The following PRPS1 variants were observed in gnomAD, a reference collection of about 807,000 sequenced individuals.
PRPS1 encodes the protein phosphoribosyl pyrophosphate synthetase 1, also known as ribose-phosphate pyrophosphokinase 1.
PRPS1 carries 1 observed loss-of-function variant against 16.9 expected under a neutral mutation model. That is an observed-to-expected ratio of 0.06 (90% CI 0.02 to 0.28). PRPS1 has a LOEUF of 0.28. PRPS1 is among the 10% of genes least tolerant of loss of function. PRPS1 has a pLI of 1.00. For synonymous variants in PRPS1, 70 were observed against 90.2 expected (o/e 0.78, Z 1.27); for missense variants, 47 against 254.0 (o/e 0.19, Z 5.54).
chrX:107,646,376 A>G (rs926956145), intron 5 of PRPS1, among the ~76,000 whole-genome samples: 11 of 111,403 alleles, frequency 9.9e-5, no homozygotes, highest in Non-Finnish European at 1.9e-4. Context: ...TCAGCCTCCC[A>G]AAGTGCTGGG....
chrX:107,633,144 C>T (rs1264816501), intron 1 of PRPS1, among the ~76,000 whole-genome samples: 6 of 111,021 alleles, frequency 5.4e-5, no homozygotes, highest in African/African-American at 2.0e-4. Context: ...AAGTTTGAGC[C>T]GGGTGCGGTG....
intron 1 of PRPS1, among the ~76,000 whole-genome samples, chrX:107,637,037 C>T (rs1182822633): frequency 2.7e-5 from 3 of 112,537 alleles, no homozygotes; most frequent in Non-Finnish European, 5.6e-5. Flanking sequence ...TACACACATA[C>T]ACCTCTCCTT....
chrX:107,640,067 G>A (rs981650686), intron 2 of PRPS1, among the ~76,000 whole-genome samples: 4 of 112,992 alleles, frequency 3.5e-5, no homozygotes, highest in Admixed American at 9.3e-5. Context: ...GGCCGGGTGC[G>A]GTGGCTCACG....
chrX:107,630,075 T>C (rs183775374), intron 1 of PRPS1: 24 of 112,534 alleles, frequency 2.1e-4, no homozygotes, highest in Admixed American at 1.9e-3. Context: ...ATTATTGTGC[T>C]ACTGATTGTG....
intron 4 of PRPS1, among the ~76,000 whole-genome samples, chrX:107,644,078 G>T (rs773081007): frequency 8.9e-6 from 1 of 112,411 alleles, no homozygotes; most frequent in African/African-American, 3.2e-5. Flanking sequence ...CACTGGGGCA[G>T]CTCACTGTCA....
intron 4 of PRPS1, among the ~76,000 whole-genome samples, chrX:107,642,755 C>A (rs1270701853): frequency 1.8e-5 from 2 of 111,772 alleles, no homozygotes; most frequent in Non-Finnish European, 3.8e-5. Context: ...TGCTACAGAG[C>A]TAGCAATACA....
chrX:107,640,156 G>A (rs773687656), intron 2 of PRPS1, among the ~76,000 whole-genome samples: 4 of 112,303 alleles, frequency 3.6e-5, no homozygotes, highest in Non-Finnish European at 5.6e-5. Flanking sequence ...CCTGGGCAAC[G>A]CTGTGAAACT....
chrX:107,628,919 G>A (rs1254607394), intron 1 of PRPS1, among the ~76,000 whole-genome samples, 169 bp downstream of exon 1: 3 of 111,232 alleles, frequency 2.7e-5, no homozygotes, highest in Non-Finnish European at 5.7e-5. Context: ...CCTCTCGCGG[G>A]AGGGTCACGT....
intron 1 of PRPS1, among the ~76,000 whole-genome samples, chrX:107,631,009 A>G (rs1179214653): frequency 1.8e-5 from 2 of 111,596 alleles, no homozygotes; most frequent in African/African-American, 6.5e-5. Context: ...AAAATTTAGA[A>G]CACGGAAGGG....
At chrX:107,642,624 G>A (rs1925599970) in intron 4 of PRPS1, 134 bp downstream of exon 4, 1 of 793,584 alleles carries the variant, frequency 1.3e-6, no homozygotes, top group South Asian at 2.3e-5. Context: ...TAGCACATGG[G>A]TTGAATATAG....
intron 1 of PRPS1, among the ~76,000 whole-genome samples, chrX:107,631,084 G>A (rs769966211): frequency 1.4e-4 from 16 of 111,999 alleles, no homozygotes; most frequent in Admixed American, 2.8e-4. Flanking sequence ...TGACCTCCCA[G>A]ATATTTGTGT....
chrX:107,632,250 A>G (rs987806007), intron 1 of PRPS1, among the ~76,000 whole-genome samples: 1 of 112,230 alleles, frequency 8.9e-6, no homozygotes, highest in Non-Finnish European at 1.9e-5. Context: ...ATTCTCTTCA[A>G]TATTTGTAAA....
At chrX:107,645,952 C>T (rs1229383862) in intron 5 of PRPS1, among the ~76,000 whole-genome samples, 1 of 110,481 alleles carries the variant, frequency 9.1e-6, no homozygotes, top group African/African-American at 3.3e-5. Context: ...TGCCAGTCAC[C>T]GTTCTCTCAC....
At chrX:107,646,551 A>G (rs1356325391) in intron 5 of PRPS1, among the ~76,000 whole-genome samples, 1 of 112,298 alleles carries the variant, frequency 8.9e-6, no homozygotes, top group East Asian at 2.8e-4. Context: ...AACCCATTTC[A>G]TCCTTGTACA....
rs189754915 is a variant in PRPS1, at chrX:107,635,474, C to G, written c.123-3821C>G. On this transcript the variant is annotated intron_variant, in intron 1 of 6. Transcript: ENST00000372435. ...TTTTTTTTTTTGAGACAGTGTCTCA[C>G]TCTGTCACCCAGGCTGGAGTGCAGT... is the stretch of plus-strand genomic sequence containing the variant. Among the ~76,000 whole-genome samples the G allele has an allele frequency of 3.2e-3, 344 of 108,496 alleles. 2 individuals are homozygous for G. The highest frequency in any genetic ancestry group is 5.5e-3 in the Non-Finnish European group (291 of 52,435). The allele number at this position is 108,496 out of a possible 115,157, so 94.2% of individuals were successfully genotyped here.
rs920702303 is a variant in PRPS1, at chrX:107,638,545, T to C, written c.123-750T>C. ...AGGCGTGAGCCATCACGCCCGGCCA[T>C]ATGAAATAATCTATGCACATGTTCC... On this transcript the variant is annotated intron_variant, in intron 1 of 6. Transcript: ENST00000372435. 1.3e-4 allele frequency among the ~76,000 whole-genome samples: 15 copies of C among 111,456 alleles called. 1 individual carries two copies. Among genetic ancestry groups the C allele is most frequent in the African/African-American group, 4.6e-4 (14 of 30,742 alleles).
intron 1 of PRPS1, among the ~76,000 whole-genome samples, chrX:107,631,248 T>A (rs778709371): frequency 9.0e-6 from 1 of 111,725 alleles, no homozygotes; most frequent in Non-Finnish European, 1.9e-5. Context: ...GAGGTCTCAC[T>A]ATGTTGCCCA....
rs1925727645 is a variant in PRPS1 at position 107,647,548 on chromosome X, G to A, written c.705-58G>A. 3.4e-6 allele frequency: 4 copies of A among 1,159,784 alleles called. No homozygotes were observed. In the South Asian group the frequency reaches 7.2e-5, roughly 21 times the overall value. ...TAAGCAGGCTAATATACTCCTCCCT[G>A]ACTAAAATTCTGCAATGACAAGTAA... On this transcript the variant is annotated intron_variant, in intron 5 of 6. Coordinates refer to ENST00000372435, the MANE Select transcript of PRPS1 (RefSeq NM_002764.4).
At position 107,647,826 on chromosome X, in the gene PRPS1, G is replaced by A. The variant is rs139132826; in HGVS notation, c.864+61G>A. ...AAGTGTTTAGGAGGTGGTTACTTAC[G>A]TTGAATTAGGTCTCTGGATTCTGAA... On this transcript the variant is annotated intron_variant, in intron 6 of 6. Coordinates refer to ENST00000372435, the MANE Select transcript of PRPS1 (RefSeq NM_002764.4). The A allele has an allele frequency of 1.8e-3, 1,953 of 1,095,412 alleles. 31 individuals carry two copies. In the African/African-American group the frequency reaches 0.031, roughly 17 times the overall value. The allele number at this position is 1,095,412 out of a possible 1,213,427, so 90.3% of individuals were successfully genotyped here.
Sources: allele counts gnomAD v4.1 joint callset (sites outside exome capture counted in the v4.1 genomes callset), GRCh38; gene constraint gnomAD v4.1.1; transcripts MANE v1.5; gene names NCBI Gene and HGNC (gene_info 2026-07-23, HGNC 2026-07-21).